The following NCALD variants were observed in gnomAD, a reference collection of about 807,000 sequenced individuals.
NCALD encodes the protein neurocalcin-delta.
A neutral mutation model predicts 18.6 loss-of-function variants in NCALD; 10 were observed. The ratio of observed to expected loss-of-function variants is 0.54; its 90% CI spans 0.33 to 0.91. NCALD has a LOEUF of 0.91. Ranked by LOEUF, NCALD falls within the 40% of genes least tolerant of loss-of-function variation. The pLI is 0.03. For missense variants in NCALD, 184 were observed against 247.6 expected (o/e 0.74, Z 1.72); for synonymous variants, 88 against 87.4 (o/e 1.01, Z -0.04).
chr8:101,909,961 A>C (rs1817734902), intron 3 of NCALD, among the ~76,000 whole-genome samples: 1 of 152,138 alleles, frequency 6.6e-6, no homozygotes, highest in South Asian at 2.1e-4. Context: ...AAATGTCTCC[A>C]CTATTGCCTA....
chr8:101,941,655 T>C (rs1316162845), intron 2 of NCALD, among the ~76,000 whole-genome samples: 1 of 152,238 alleles, frequency 6.6e-6, no homozygotes, highest in East Asian at 1.9e-4. Context: ...AGGACTCATA[T>C]TGGGTATTTT....
chr8:101,729,977 A>T (rs1816743882), intron 1 of NCALD, among the ~76,000 whole-genome samples: 1 of 152,208 alleles, frequency 6.6e-6, no homozygotes, highest in Non-Finnish European at 1.5e-5. Flanking sequence ...AAAGTATTAC[A>T]TCATTATTGA....
At chr8:101,842,909 G>C (rs1371709003) in intron 4 of NCALD, among the ~76,000 whole-genome samples, 2 of 152,152 alleles carry the variant, frequency 1.3e-5, no homozygotes, top group African/African-American at 4.8e-5. Flanking sequence ...AAAAATAGGA[G>C]GTGGTTGGGG....
At chr8:101,976,759 C>G (rs1329638874) in intron 2 of NCALD, among the ~76,000 whole-genome samples, 1 of 152,162 alleles carries the variant, frequency 6.6e-6, no homozygotes, top group African/African-American at 2.4e-5. Context: ...AGTGTATACC[C>G]AGGTGCACAG....
At chr8:101,836,649 T>A (rs1025016343) in intron 4 of NCALD, among the ~76,000 whole-genome samples, 15 of 152,230 alleles carry the variant, frequency 9.9e-5, no homozygotes, top group Admixed American at 8.5e-4. Context: ...AACCCCCTAA[T>A]AAAGATGATC....
At chr8:101,874,096 T>G (rs1816129467) in intron 4 of NCALD, among the ~76,000 whole-genome samples, 1 of 152,164 alleles carries the variant, frequency 6.6e-6, no homozygotes, top group African/African-American at 2.4e-5. Flanking sequence ...GCCCCAACAG[T>G]CTTATCTACT....
At chr8:101,897,668 T>C (rs1195100885) in intron 3 of NCALD, among the ~76,000 whole-genome samples, 1 of 152,038 alleles carries the variant, frequency 6.6e-6, no homozygotes, top group Non-Finnish European at 1.5e-5. Flanking sequence ...CCAAAGTTTA[T>C]CTGGAATAAG....
At chr8:102,061,764 G>A (rs977207375) in intron 1 of NCALD, among the ~76,000 whole-genome samples, 20 of 152,174 alleles carry the variant, frequency 1.3e-4, no homozygotes, top group Non-Finnish European at 1.5e-5. Context: ...ATACTCGGCA[G>A]AATTTTCAGC....
At chr8:102,050,761 A>G (rs1823416255) in intron 1 of NCALD, among the ~76,000 whole-genome samples, 1 of 146,622 alleles carries the variant, frequency 6.8e-6, no homozygotes, top group South Asian at 2.1e-4. Context: ...ATATATAAAT[A>G]TATAATTTTA....
chr8:101,740,905 A>C (rs1810157468), intron 1 of NCALD, among the ~76,000 whole-genome samples: 1 of 152,198 alleles, frequency 6.6e-6, no homozygotes, highest in African/African-American at 2.4e-5. Flanking sequence ...CTAAATGCTA[A>C]TAAGATAATT....
At chr8:101,695,682 T>C (rs1342036834) in intron 2 of NCALD, among the ~76,000 whole-genome samples, 1 of 152,128 alleles carries the variant, frequency 6.6e-6, no homozygotes, top group Non-Finnish European at 1.5e-5. Flanking sequence ...CCCTCTGTGC[T>C]AGCAAGGGGC....
intron 1 of NCALD, among the ~76,000 whole-genome samples, chr8:101,741,708 C>T (rs1810192032): frequency 7.3e-6 from 1 of 137,042 alleles, no homozygotes; most frequent in Non-Finnish European, 1.5e-5. Context: ...AGGAGGATCA[C>T]TTGAGTCCAG....
chr8:102,107,831 C>T (rs1825522086), intron 1 of NCALD, among the ~76,000 whole-genome samples: 1 of 152,166 alleles, frequency 6.6e-6, no homozygotes, highest in African/African-American at 2.4e-5. Context: ...TATGGAAATG[C>T]ATTTAGAGTT....
At chr8:101,735,426 G>GCTACCAAAAGACAAATGTTCCA (rs1310333898) in intron 1 of NCALD, among the ~76,000 whole-genome samples, 3 of 152,166 alleles carry the variant, frequency 2.0e-5, no homozygotes, top group Non-Finnish European at 2.9e-5. Flanking sequence ...GCAGGAAGGT[G>GCTACCAAAAGACAAATGTTCCA]CTACCAAAAG....
intron 2 of NCALD, among the ~76,000 whole-genome samples, chr8:101,923,850 C>T (rs1818250070): frequency 6.6e-6 from 1 of 152,110 alleles, no homozygotes; most frequent in African/African-American, 2.4e-5. Context: ...AATATTTGAG[C>T]TTGACTATTT....
At chr8:102,049,943 A>G (rs1318650685) in intron 1 of NCALD, among the ~76,000 whole-genome samples, 4 of 150,836 alleles carry the variant, frequency 2.7e-5, no homozygotes, top group Non-Finnish European at 4.4e-5. Context: ...CGGGTGGATC[A>G]TGAGGTCAGG....
At chr8:101,721,617 G>T (rs1327548310) in intron 1 of NCALD, among the ~76,000 whole-genome samples, 1 of 151,988 alleles carries the variant, frequency 6.6e-6, no homozygotes, top group African/African-American at 2.4e-5. Flanking sequence ...ACTTCTACGG[G>T]GTGGTGTTTG....
Position 101,865,759 on chromosome 8 carries a change from T to C in NCALD, c.-20+21382A>G, listed in dbSNP as rs186908094. 2.8e-4 allele frequency among the ~76,000 whole-genome samples: 42 copies of C among 152,302 alleles called. No homozygotes were observed. In the East Asian group the frequency reaches 8.1e-3, roughly 29 times the overall value. On this transcript the variant is annotated intron_variant, in intron 4 of 6. Coordinates refer to the NCALD transcript ENST00000311028. Reference sequence around the variant, plus strand: ...AAATCAAGATTTTCTCCACCTACCCTCCTTTACTCAGTGTCATTGTATTTC... The same window carrying C: ...AAATCAAGATTTTCTCCACCTACCCCCCTTTACTCAGTGTCATTGTATTTC...
At chr8:101,893,556 GAC>G (rs1164373161) in intron 3 of NCALD, among the ~76,000 whole-genome samples, 14 of 127,664 alleles carry the variant, frequency 1.1e-4, no homozygotes, top group Admixed American at 4.7e-4. Context: ...CCAATTAAAA[GAC>G]ACAGACTGGC....
Sources: allele counts gnomAD v4.1 joint callset (sites outside exome capture counted in the v4.1 genomes callset), GRCh38; gene constraint gnomAD v4.1.1; transcripts MANE v1.5; gene names NCBI Gene and HGNC (gene_info 2026-07-23, HGNC 2026-07-21).